FAM135B: variants seen among roughly 807,000 people sequenced by gnomAD.
The protein encoded by FAM135B is family with sequence similarity 135 member B.
FAM135B carries 43 observed loss-of-function variants against 127.7 expected under a neutral mutation model. The observed-to-expected ratio is 0.34, with a 90% CI of 0.26 to 0.43. FAM135B has a LOEUF of 0.43. Ranked by LOEUF, FAM135B falls within the 20% of genes least tolerant of loss-of-function variation. The pLI, the probability that FAM135B is intolerant of heterozygous loss-of-function variation, is 1.00. For synonymous variants in FAM135B, 670 were observed against 665.1 expected, an observed-to-expected ratio of 1.01 and a Z score of -0.11; for missense variants, 1,558 against 1,725.6, an observed-to-expected ratio of 0.90 and a Z score of 1.72.
chr8:138,209,780 GTGGAA>G (rs1393436263), intron 7 of FAM135B, among the ~76,000 whole-genome samples: 1 of 152,136 alleles, frequency 6.6e-6, no homozygotes, highest in Non-Finnish European at 1.5e-5. Context: ...TTTTACATAA[GTGGAA>G]TGGGCCCAGA....
At chr8:138,355,800 A>G (rs190120430) in intron 2 of FAM135B, among the ~76,000 whole-genome samples, 54 of 152,310 alleles carry the variant, frequency 3.5e-4, no homozygotes, top group African/African-American at 1.3e-3. Flanking sequence ...AGACATCACA[A>G]CATTTGAATG....
chr8:138,172,219 A>G lies in FAM135B; in HGVS notation c.1104-4170T>C, dbSNP rs1163862020. On this transcript the variant is annotated intron_variant, in intron 11 of 19. Transcript: ENST00000395297. ...TTATTATTAGCACAACTGGGAGTGA[A>G]TCTTGATTTCTGACTCTCCAAGGCT... Among the ~76,000 whole-genome samples the G allele has an allele frequency of 3.3e-5, 5 of 152,244 alleles. No individual in the cohort carries two copies. In the East Asian group the frequency reaches 9.7e-4, roughly 29 times the overall value.
At chr8:138,226,184 T>TGTGTGTGTGTGTGTACGCGCGCGCGCGC in intron 7 of FAM135B, among the ~76,000 whole-genome samples, 1 of 139,202 alleles carries the variant, frequency 7.2e-6, no homozygotes, top group Non-Finnish European at 1.5e-5. Context: ...TGTGTGTGTG[T>TGTGTGTGTGTGTGTACGCGCGCGCGCGC]GCGCGCATGT....
rs55837421 is a variant in FAM135B at position 138,242,165 on chromosome 8, TTGTGTGTGTGTGTGTGTGTG to T, written c.669+757_669+776del. ...AGTCAATTACTTATGATAAATCTCT[TTGTGTGTGTGTGTGTGTGTG>T]TGTGTGTGTGTGTGTGTGTGTGTGT... On this transcript the variant is annotated intron_variant, in intron 7 of 19. Coordinates refer to ENST00000395297, the MANE Select transcript of FAM135B (RefSeq NM_015912.4). The surrounding 1 kb of genome is among the most constrained non-coding windows in gnomAD (Gnocchi z 9.6). Among the ~76,000 whole-genome samples the T allele has an allele frequency of 3.5e-3, 455 of 130,082 alleles. 2 individuals carry two copies. The highest frequency in any genetic ancestry group is 0.011 in the African/African-American group (362 of 34,110). The allele number at this position is 130,082 out of a possible 152,430, so 85.3% of individuals were successfully genotyped here.
At chr8:138,411,310 G>A (rs1833850179) in intron 1 of FAM135B, among the ~76,000 whole-genome samples, 1 of 152,014 alleles carries the variant, frequency 6.6e-6, no homozygotes. Flanking sequence ...CAATGGAACA[G>A]AACAGAGCCC....
chr8:138,370,089 G>A (rs553382827), intron 1 of FAM135B, among the ~76,000 whole-genome samples: 2 of 152,288 alleles, frequency 1.3e-5, no homozygotes, highest in South Asian at 4.2e-4. Context: ...TTGGCCCCGA[G>A]CCACACAGAC....
chr8:138,383,015 G>A (rs115940768), intron 1 of FAM135B, among the ~76,000 whole-genome samples: 434 of 152,258 alleles, frequency 2.9e-3, no homozygotes, highest in African/African-American at 9.8e-3. Context: ...ACTGGGAAAG[G>A]GGCCAGATCA....
chr8:138,165,452 T>C (rs1480157216), intron 12 of FAM135B, among the ~76,000 whole-genome samples: 1 of 152,118 alleles, frequency 6.6e-6, no homozygotes, highest in Non-Finnish European at 1.5e-5. Flanking sequence ...AATAGAGATA[T>C]GTGTTATAAC....
Position 138,285,537 on chromosome 8 carries a change from T to C in FAM135B, c.158-19695A>G, listed in dbSNP as rs796498733. Among the ~76,000 whole-genome samples the C allele has an allele frequency of 1.1e-4, 17 of 152,286 alleles. 1 individual carries two copies. Among genetic ancestry groups the C allele is most frequent in the African/African-American group, 3.8e-4 (16 of 41,576 alleles). ...CTCTACAGATTGTTATGAGGACGTA[T>C]ACAATAATATCAACAAAAAATCTAG... On this transcript the variant is annotated intron_variant, in intron 3 of 19. Transcript: ENST00000395297.
At chr8:138,180,684 T>C (rs988353922) in intron 9 of FAM135B, among the ~76,000 whole-genome samples, 1 of 152,186 alleles carries the variant, frequency 6.6e-6, no homozygotes, top group Non-Finnish European at 1.5e-5. Context: ...CTGTAAATGT[T>C]GCATATTTTT....
In FAM135B at chr8:138,269,625, G is replaced by C. The variant is rs114994517; in HGVS notation, c.158-3783C>G. On this transcript the variant is annotated intron_variant, in intron 3 of 19. Transcript: ENST00000395297. ...TGGGTTCCTCAAAGTCACAATGTTG[G>C]TTTTCATATGGTTTAGAAAATGCTC... Among the ~76,000 whole-genome samples, 984 of 152,296 alleles carry C rather than the reference G, an allele frequency of 6.5e-3. 10 individuals carry two copies. The highest frequency in any genetic ancestry group is 0.022 in the African/African-American group (926 of 41,566).
At chr8:138,314,131 C>T (rs569020391) in intron 2 of FAM135B, among the ~76,000 whole-genome samples, 1 of 152,130 alleles carries the variant, frequency 6.6e-6, no homozygotes, top group Non-Finnish European at 1.5e-5. Context: ...GAGCTTCACT[C>T]AGCTATGAGT....
chr8:138,343,059 T>A (rs1445182499), intron 2 of FAM135B, among the ~76,000 whole-genome samples: 1 of 152,248 alleles, frequency 6.6e-6, no homozygotes, highest in East Asian at 1.9e-4. Flanking sequence ...TACGCATTCA[T>A]TTATTTATTT....
At chr8:138,390,759 G>C (rs903782113) in intron 1 of FAM135B, among the ~76,000 whole-genome samples, 1 of 152,186 alleles carries the variant, frequency 6.6e-6, no homozygotes, top group Non-Finnish European at 1.5e-5. Flanking sequence ...AGAAGGCAGA[G>C]GAAGGTGGGG....
At chr8:138,384,318 T>C (rs1832048756) in intron 1 of FAM135B, among the ~76,000 whole-genome samples, 1 of 152,172 alleles carries the variant, frequency 6.6e-6, no homozygotes, top group African/African-American at 2.4e-5. Flanking sequence ...AGTGGTTGCC[T>C]AGTGGTAACC....
chr8:138,347,885 G>A (rs1355363984), intron 2 of FAM135B, among the ~76,000 whole-genome samples: 1 of 152,048 alleles, frequency 6.6e-6, no homozygotes, highest in Non-Finnish European at 1.5e-5. Context: ...CAAAACGGAG[G>A]TAGAATTATA....
At chr8:138,223,633 G>A (rs993471420) in intron 7 of FAM135B, among the ~76,000 whole-genome samples, 1 of 152,190 alleles carries the variant, frequency 6.6e-6, no homozygotes, top group African/African-American at 2.4e-5. Flanking sequence ...TGGATTGAAG[G>A]ATAGAGGTGG....
intron 12 of FAM135B, among the ~76,000 whole-genome samples, chr8:138,166,135 C>G (rs545022086): frequency 1.3e-5 from 2 of 152,288 alleles, no homozygotes; most frequent in African/African-American, 4.8e-5. Flanking sequence ...CATGCTTATA[C>G]TTAGTGCCTC....
chr8:138,376,370 C>G (rs1285389144), intron 1 of FAM135B, among the ~76,000 whole-genome samples: 1 of 152,204 alleles, frequency 6.6e-6, no homozygotes, highest in Non-Finnish European at 1.5e-5. Context: ...TGCTGATCAG[C>G]ATCCTCTTTC....
Sources: gnomAD v4.1 joint callset for allele counts (sites outside exome capture counted in the v4.1 genomes callset) on GRCh38, gnomAD v4.1.1 for gene constraint, Gnocchi (gnomAD v3.1) non-coding constraint, MANE v1.5 for transcripts, NCBI Gene and HGNC (gene_info 2026-07-23, HGNC 2026-07-21) for gene names.